The following WDFY2 variants were observed in gnomAD, a reference collection of about 807,000 sequenced individuals.
WDFY2 encodes the protein WD repeat and FYVE domain containing 2.
Under a neutral mutation model 56.4 loss-of-function variants are expected in WDFY2, and 36 were observed. The ratio of observed to expected loss-of-function variants is 0.64; its 90% CI spans 0.49 to 0.84. The LOEUF (loss-of-function observed/expected upper bound fraction) is 0.84, where lower values mean the gene tolerates loss of function less well. Ranked by LOEUF, WDFY2 falls within the 40% of genes least tolerant of loss-of-function variation. The pLI, the probability that WDFY2 is intolerant of heterozygous loss-of-function variation, is 0.00. For synonymous variants in WDFY2, 176 were observed against 183.7 expected, an observed-to-expected ratio of 0.96 and a Z score of 0.34; for missense variants, 444 against 512.2, an observed-to-expected ratio of 0.87 and a Z score of 1.29.
intron 2 of WDFY2, among the ~76,000 whole-genome samples, chr13:51,672,875 C>T (rs928787784): frequency 2.0e-5 from 3 of 152,202 alleles, no homozygotes; most frequent in Non-Finnish European, 4.4e-5. Flanking sequence ...AGCAGAGCTA[C>T]TGATTTGTGT....
chr13:51,716,534 T>A (rs1952350451), intron 4 of WDFY2, among the ~76,000 whole-genome samples: 1 of 149,732 alleles, frequency 6.7e-6, no homozygotes. Context: ...CTACTAAAAA[T>A]ACAAAAAAAT....
chr13:51,670,489 G>GCGCGCACACA (rs994843711), intron 2 of WDFY2, among the ~76,000 whole-genome samples: 27 of 131,498 alleles, frequency 2.1e-4, no homozygotes, highest in African/African-American at 7.8e-4. Context: ...GTGCGCACAT[G>GCGCGCACACA]CACACACACA....
intron 4 of WDFY2, among the ~76,000 whole-genome samples, chr13:51,714,831 C>T (rs1952307835): frequency 6.6e-6 from 1 of 152,144 alleles, no homozygotes; most frequent in South Asian, 2.1e-4. Flanking sequence ...AGAGAATGTA[C>T]TTACACACCT....
At chr13:51,690,010 C>G (rs1394176285) in intron 3 of WDFY2, among the ~76,000 whole-genome samples, 1 of 151,932 alleles carries the variant, frequency 6.6e-6, no homozygotes, top group Non-Finnish European at 1.5e-5. Flanking sequence ...TTAAGCTGCG[C>G]ATTAATGAGA....
intron 1 of WDFY2, among the ~76,000 whole-genome samples, chr13:51,628,806 C>T (rs1413427391): frequency 6.6e-6 from 1 of 152,178 alleles, no homozygotes; most frequent in Non-Finnish European, 1.5e-5. Context: ...TAAAAAGGGC[C>T]TTAGAAACCC....
At chr13:51,644,028 TG>T (rs1333096142) in intron 1 of WDFY2, among the ~76,000 whole-genome samples, 1 of 152,086 alleles carries the variant, frequency 6.6e-6, no homozygotes, top group African/African-American at 2.4e-5. Flanking sequence ...CAAGGTACAG[TG>T]GGATTCTGGA....
At chr13:51,676,271 G>A (rs576929801) in intron 3 of WDFY2, among the ~76,000 whole-genome samples, 34 of 152,144 alleles carry the variant, frequency 2.2e-4, no homozygotes, top group Admixed American at 4.6e-4. Context: ...AGCAGTTTGC[G>A]GTAGACAGGA....
At chr13:51,587,390 T>A (rs1953964090) in intron 1 of WDFY2, 1 of 152,164 alleles carries the variant, frequency 6.6e-6, no homozygotes, top group Non-Finnish European at 1.5e-5. Context: ...TCAATACACG[T>A]TTGTTGTATC....
At chr13:51,660,519 AT>A in intron 1 of WDFY2, 76 bp from the exon 2 acceptor site, 1 of 1,432,596 alleles carries the variant, frequency 7.0e-7, no homozygotes, top group Non-Finnish European at 9.8e-7. Flanking sequence ...ATATTAAGAG[AT>A]TTGTTTTCTA....
intron 10 of WDFY2, 39 bp downstream of exon 10, chr13:51,756,501 C>T (rs2138743410): frequency 6.3e-7 from 1 of 1,593,594 alleles, no homozygotes; most frequent in Non-Finnish European, 8.5e-7. Flanking sequence ...CAGGTTAAGG[C>T]GAGAATTTAA....
At chr13:51,674,195 G>A (rs1955849923) in intron 2 of WDFY2, among the ~76,000 whole-genome samples, 1 of 152,178 alleles carries the variant, frequency 6.6e-6, no homozygotes, top group South Asian at 2.1e-4. Flanking sequence ...AAAAATATTT[G>A]ATGCTGATTG....
chr13:51,734,945 C>G (rs1199174394), intron 6 of WDFY2, among the ~76,000 whole-genome samples: 3 of 152,148 alleles, frequency 2.0e-5, no homozygotes, highest in Non-Finnish European at 2.9e-5. Flanking sequence ...GGGCTCTGCC[C>G]CCAGTGTGGG....
chr13:51,696,530 G>T (rs1951880159), intron 3 of WDFY2, among the ~76,000 whole-genome samples: 1 of 152,150 alleles, frequency 6.6e-6, no homozygotes, highest in Non-Finnish European at 1.5e-5. Flanking sequence ...AACAGACTCA[G>T]TTCATTGAAA....
At chr13:51,746,395 C>T (rs1953105474) in intron 7 of WDFY2, among the ~76,000 whole-genome samples, 1 of 152,208 alleles carries the variant, frequency 6.6e-6, no homozygotes, top group Non-Finnish European at 1.5e-5. Flanking sequence ...CTGGTACCTT[C>T]CTTACCAGCT....
chr13:51,591,351 G>A (rs1045051641), intron 1 of WDFY2: 1 of 152,138 alleles, frequency 6.6e-6, no homozygotes, highest in Non-Finnish European at 1.5e-5. Flanking sequence ...AGAAGTATTT[G>A]TTTTGTGTTA....
intron 1 of WDFY2, among the ~76,000 whole-genome samples, chr13:51,604,157 C>T (rs1012367864): frequency 2.6e-5 from 4 of 152,100 alleles, no homozygotes; most frequent in African/African-American, 7.2e-5. Flanking sequence ...TATTAATGCA[C>T]GCTGGAGCCA....
At chr13:51,713,065 C>T (rs1486298365) in intron 4 of WDFY2, among the ~76,000 whole-genome samples, 1 of 152,156 alleles carries the variant, frequency 6.6e-6, no homozygotes, top group Non-Finnish European at 1.5e-5. Context: ...AGAGGCAATG[C>T]AAGCTTTACA....
At chr13:51,652,530 C>T (rs1402002856) in intron 1 of WDFY2, among the ~76,000 whole-genome samples, 1 of 152,212 alleles carries the variant, frequency 6.6e-6, no homozygotes, top group Admixed American at 6.5e-5. Context: ...CATGTCTTTG[C>T]AGTGGCTGGT....
At chr13:51,716,415 G>A (rs948648074) in intron 4 of WDFY2, among the ~76,000 whole-genome samples, 19 of 152,120 alleles carry the variant, frequency 1.2e-4, no homozygotes, top group Non-Finnish European at 1.5e-4. Context: ...CAAGTGGGCC[G>A]GGCGCGGTGG....
Sources: gnomAD v4.1 joint callset for allele counts (sites outside exome capture counted in the v4.1 genomes callset) on GRCh38, gnomAD v4.1.1 for gene constraint, MANE v1.5 for transcripts, NCBI Gene and HGNC (gene_info 2026-07-23, HGNC 2026-07-21) for gene names.